The following IL1RAPL2 variants were observed in gnomAD, a reference collection of about 807,000 sequenced individuals.
IL1RAPL2 encodes interleukin 1 receptor accessory protein like 2.
In IL1RAPL2, 3 loss-of-function variants were observed where a neutral mutation model predicts 44.1. The observed-to-expected ratio is 0.07, with a 90% confidence interval of 0.03 to 0.18. The LOEUF is 0.18. IL1RAPL2 is among the 10% of genes least tolerant of loss of function. IL1RAPL2 has a pLI of 1.00. For synonymous variants in IL1RAPL2, 181 were observed against 178.8 expected (o/e 1.01, Z -0.10); for missense variants, 391 against 496.4 (o/e 0.79, Z 2.02).
chrX:105,043,965 A>G (rs1453073988), intron 2 of IL1RAPL2, among the ~76,000 whole-genome samples: 2 of 112,069 alleles, frequency 1.8e-5, no homozygotes, highest in South Asian at 3.7e-4. Context: ...TATTTTAATT[A>G]TATATTCCTG....
intron 2 of IL1RAPL2, among the ~76,000 whole-genome samples, chrX:104,904,232 T>C (rs2147675849): frequency 9.1e-6 from 1 of 110,462 alleles, no homozygotes; most frequent in Non-Finnish European, 1.9e-5. Flanking sequence ...CTTTTATATA[T>C]ATATATATAT....
chrX:104,762,110 G>A (rs1407576888), intron 2 of IL1RAPL2, among the ~76,000 whole-genome samples: 3 of 108,645 alleles, frequency 2.8e-5, no homozygotes, highest in African/African-American at 1.0e-4. Flanking sequence ...CAATTGTCCT[G>A]CCTGAGCCTC....
intron 6 of IL1RAPL2, among the ~76,000 whole-genome samples, chrX:105,661,579 T>A (rs2037720606): frequency 8.9e-6 from 1 of 112,471 alleles, no homozygotes; most frequent in African/African-American, 3.2e-5. Flanking sequence ...CAGAATCTTT[T>A]CTGACCATAA....
At chrX:104,795,774 T>C (rs944963391) in intron 2 of IL1RAPL2, among the ~76,000 whole-genome samples, 2 of 112,117 alleles carry the variant, frequency 1.8e-5, no homozygotes, top group Admixed American at 9.5e-5. Flanking sequence ...GTTGCTCCTG[T>C]CTGTAAGGAA....
chrX:104,720,054 T>C (rs1931646585), intron 2 of IL1RAPL2, among the ~76,000 whole-genome samples: 1 of 111,644 alleles, frequency 9.0e-6, no homozygotes, highest in African/African-American at 3.2e-5. Context: ...ATATCCAGAG[T>C]ATCCTGTACT....
intron 7 of IL1RAPL2, among the ~76,000 whole-genome samples, chrX:105,722,193 A>G (rs1186038896): frequency 1.8e-5 from 2 of 111,970 alleles, no homozygotes; most frequent in African/African-American, 6.5e-5. Flanking sequence ...CTGTAACACC[A>G]TGGTAATATT....
intron 1 of IL1RAPL2, among the ~76,000 whole-genome samples, chrX:104,632,465 T>C (rs1224373214): frequency 2.7e-5 from 3 of 111,817 alleles, no homozygotes; most frequent in Admixed American, 1.9e-4. Context: ...TGATTCTTCC[T>C]ACCCATGAGC....
intron 2 of IL1RAPL2, among the ~76,000 whole-genome samples, chrX:104,708,161 G>A (rs759806405): frequency 9.0e-6 from 1 of 111,467 alleles, no homozygotes; most frequent in East Asian, 2.9e-4. Flanking sequence ...TTCAATTTTG[G>A]CTTCCTCATC....
chrX:105,278,524 T>C (rs1407222571), intron 5 of IL1RAPL2, among the ~76,000 whole-genome samples: 1 of 111,503 alleles, frequency 9.0e-6, no homozygotes, highest in African/African-American at 3.3e-5. Context: ...AAGGCACCCT[T>C]CCATAGGAAT....
intron 2 of IL1RAPL2, among the ~76,000 whole-genome samples, chrX:104,958,770 G>A (rs972938784): frequency 9.2e-6 from 1 of 108,779 alleles, no homozygotes; most frequent in African/African-American, 3.4e-5. Context: ...GGACTAATAT[G>A]ATTTCAGTGC....
intron 2 of IL1RAPL2, among the ~76,000 whole-genome samples, chrX:105,027,044 G>A (rs1474266387): frequency 1.8e-5 from 2 of 110,934 alleles, no homozygotes; most frequent in African/African-American, 3.3e-5. Context: ...ACTCATTTTC[G>A]ACAAAGATGC....
intron 2 of IL1RAPL2, among the ~76,000 whole-genome samples, chrX:105,159,925 A>G (rs1231917653): frequency 9.2e-6 from 1 of 109,087 alleles, no homozygotes; most frequent in Non-Finnish European, 1.9e-5. Flanking sequence ...AACAGATTAC[A>G]TGGGTTAAGT....
At chrX:104,951,834 C>T (rs914805549) in intron 2 of IL1RAPL2, among the ~76,000 whole-genome samples, 1 of 112,315 alleles carries the variant, frequency 8.9e-6, no homozygotes, top group African/African-American at 3.2e-5. Context: ...ATGGTAAGCA[C>T]TCAGTAAATG....
chrX:105,249,968 T>C (rs2147646422), intron 4 of IL1RAPL2, among the ~76,000 whole-genome samples: 1 of 111,471 alleles, frequency 9.0e-6, no homozygotes, highest in African/African-American at 3.2e-5. Context: ...CCTTCTTCCT[T>C]TGTGAATGGC....
intron 6 of IL1RAPL2, among the ~76,000 whole-genome samples, chrX:105,659,373 T>C (rs1444832775): frequency 9.0e-6 from 1 of 110,998 alleles, no homozygotes; most frequent in Non-Finnish European, 1.9e-5. Context: ...TTAAAAAGAA[T>C]AGGGACGGGC....
chrX:105,192,314 T>A (rs1311251066), intron 2 of IL1RAPL2, among the ~76,000 whole-genome samples: 1 of 111,807 alleles, frequency 8.9e-6, no homozygotes, highest in Non-Finnish European at 1.9e-5. Flanking sequence ...CATCTCTTCT[T>A]GCCCTTTTGT....
intron 3 of IL1RAPL2, chrX:105,219,009 A>G (rs1556172033): frequency 8.3e-7 from 1 of 1,209,211 alleles, no homozygotes; most frequent in African/African-American, 1.8e-5. Context: ...AGTCGAAGCA[A>G]GTATCCCTCC....
chrX:105,426,171 T>C (rs761765751), intron 5 of IL1RAPL2, among the ~76,000 whole-genome samples: 4 of 110,282 alleles, frequency 3.6e-5, no homozygotes, highest in Non-Finnish European at 5.7e-5. Context: ...TAAACATTGA[T>C]TGATTGATTG....
At chrX:105,218,784 T>A in intron 3 of IL1RAPL2, 1 of 330,796 alleles carries the variant, frequency 3.0e-6, no homozygotes, top group Non-Finnish European at 5.2e-6. Flanking sequence ...CTCCCCCTCC[T>A]CCAGTCACCA....
Sources: gnomAD v4.1 joint callset for allele counts (sites outside exome capture counted in the v4.1 genomes callset) on GRCh38, gnomAD v4.1.1 for gene constraint, MANE v1.5 for transcripts, NCBI Gene and HGNC (gene_info 2026-07-23, HGNC 2026-07-21) for gene names.